ANK3: variants seen among roughly 807,000 people sequenced by gnomAD.
The protein encoded by ANK3 is ankyrin-3.
A neutral mutation model predicts 370.9 loss-of-function variants in ANK3; 57 were observed. That is an observed-to-expected ratio of 0.15 (90% CI 0.12 to 0.19). The LOEUF (loss-of-function observed/expected upper bound fraction) is 0.19. ANK3 is among the 10% of genes least tolerant of loss of function. ANK3 has a pLI of 1.00. For missense variants in ANK3, 4,439 were observed against 5,302.1 expected (o/e 0.84, Z 5.06); for synonymous variants, 1,929 against 1,946.3 (o/e 0.99, Z 0.23).
At chr10:60,089,031 G>C (rs10821671) in intron 28 of ANK3, among the ~76,000 whole-genome samples, 38,476 of 152,034 alleles carry the variant, frequency 0.25, 6,172 homozygotes, top group Non-Finnish European at 0.36. Flanking sequence ...GGCCTCATAA[G>C]AAAGTGAATA....
At chr10:60,100,516 C>G (rs546053501) in intron 28 of ANK3, among the ~76,000 whole-genome samples, 37 of 152,178 alleles carry the variant, frequency 2.4e-4, no homozygotes, top group African/African-American at 8.4e-4. Context: ...TGTAGTCAGA[C>G]AGTAAATTTA....
At chr10:60,545,682 G>T (rs1020259144) in intron 2 of ANK3, among the ~76,000 whole-genome samples, 4 of 152,028 alleles carry the variant, frequency 2.6e-5, no homozygotes, top group Non-Finnish European at 4.4e-5. Context: ...TGTATATCTA[G>T]ATCTGACTCA....
chr10:60,380,013 A>G (rs1410492156), intron 1 of ANK3, among the ~76,000 whole-genome samples: 2 of 146,678 alleles, frequency 1.4e-5, no homozygotes, highest in Non-Finnish European at 2.9e-5. Context: ...ACCCCCCCCA[A>G]ATCAGCTGAC....
At chr10:60,382,346 T>G (rs931612173) in intron 1 of ANK3, among the ~76,000 whole-genome samples, 1 of 152,190 alleles carries the variant, frequency 6.6e-6, no homozygotes, top group Non-Finnish European at 1.5e-5. Context: ...GTCTCTGTTC[T>G]TCCCATTCTA....
intron 2 of ANK3, among the ~76,000 whole-genome samples, chr10:60,533,672 C>T (rs754869497): frequency 6.6e-6 from 1 of 151,792 alleles, no homozygotes; most frequent in Non-Finnish European, 1.5e-5. Flanking sequence ...TGAGCTGGGC[C>T]GAATTATTTT....
intron 18 of ANK3, among the ~76,000 whole-genome samples, chr10:60,174,497 T>C (rs2095873342): frequency 6.7e-6 from 1 of 150,340 alleles, no homozygotes; most frequent in African/African-American, 2.5e-5. Context: ...TAAGGGAAGC[T>C]TGAAAATAAT....
chr10:60,078,823 G>A (rs754540955), intron 36 of ANK3, among the ~76,000 whole-genome samples: 2 of 152,100 alleles, frequency 1.3e-5, no homozygotes, highest in Non-Finnish European at 2.9e-5. Flanking sequence ...TCATTCCCTT[G>A]TTTACCACCC....
chr10:60,692,114 G>C (rs1464022802), intron 1 of ANK3, among the ~76,000 whole-genome samples: 1 of 152,228 alleles, frequency 6.6e-6, no homozygotes, highest in Non-Finnish European at 1.5e-5. Context: ...TTATGGGACA[G>C]AATTAAAAGC....
At chr10:60,569,299 G>A (rs1443519491) in intron 2 of ANK3, among the ~76,000 whole-genome samples, 2 of 152,012 alleles carry the variant, frequency 1.3e-5, no homozygotes. Context: ...TAAAAAATAC[G>A]GTCTTATTGA....
intron 1 of ANK3, among the ~76,000 whole-genome samples, chr10:60,340,252 T>A (rs193027704): frequency 1.3e-3 from 197 of 152,278 alleles, no homozygotes; most frequent in African/African-American, 4.5e-3. Flanking sequence ...GTCTAAGTAT[T>A]GGTTAAAGTA....
At chr10:60,375,283 A>C (rs117843061) in intron 1 of ANK3, among the ~76,000 whole-genome samples, 1 of 152,214 alleles carries the variant, frequency 6.6e-6, no homozygotes, top group Non-Finnish European at 1.5e-5. Flanking sequence ...CTTTGCATTG[A>C]CAGTTAATAT....
chr10:60,596,591 A>G (rs1302079153), intron 2 of ANK3, among the ~76,000 whole-genome samples: 1 of 152,174 alleles, frequency 6.6e-6, no homozygotes, highest in Non-Finnish European at 1.5e-5. Context: ...AGATTTGTCC[A>G]CTGGATACTT....
intron 2 of ANK3, among the ~76,000 whole-genome samples, chr10:60,569,986 T>C (rs959495169): frequency 6.6e-6 from 1 of 152,194 alleles, no homozygotes; most frequent in Non-Finnish European, 1.5e-5. Flanking sequence ...AGAAAACTTA[T>C]GGAATATTTG....
upstream of ANK3, among the ~76,000 whole-genome samples, chr10:60,390,628 A>G (rs2063013766): frequency 6.6e-6 from 1 of 151,938 alleles, no homozygotes; most frequent in Non-Finnish European, 1.5e-5. Flanking sequence ...GTCGGGAGTC[A>G]TTTGCACACA....
At chr10:60,101,161 T>A (rs2091203944) in intron 28 of ANK3, among the ~76,000 whole-genome samples, 1 of 152,236 alleles carries the variant, frequency 6.6e-6, no homozygotes, top group Admixed American at 6.5e-5. Context: ...AGGGTACTCA[T>A]CCTCGCGTAT....
chr10:60,109,594 GA>G (rs2092526051), intron 26 of ANK3, among the ~76,000 whole-genome samples: 1 of 152,162 alleles, frequency 6.6e-6, no homozygotes, highest in Non-Finnish European at 1.5e-5. Flanking sequence ...GAGATGACTA[GA>G]TTTGCTACGG....
chr10:60,572,503 T>G (rs1365749445), intron 2 of ANK3: 21 of 1,535,984 alleles, frequency 1.4e-5, no homozygotes, highest in Non-Finnish European at 1.7e-5. Context: ...GGTTTTGCAT[T>G]TTTCTCCTTT....
chr10:60,164,796 C>G (rs1277171242), intron 23 of ANK3, among the ~76,000 whole-genome samples: 1 of 152,178 alleles, frequency 6.6e-6, no homozygotes, highest in Non-Finnish European at 1.5e-5. Flanking sequence ...GATGTTTGCT[C>G]AGACTGAGTG....
chr10:60,686,466 T>C (rs1255143933), intron 1 of ANK3, among the ~76,000 whole-genome samples: 2 of 152,148 alleles, frequency 1.3e-5, no homozygotes, highest in African/African-American at 2.4e-5. Context: ...AGCTATAAAA[T>C]TCATTAGTAC....
Sources: gnomAD v4.1 joint callset for allele counts (sites outside exome capture counted in the v4.1 genomes callset) on GRCh38, gnomAD v4.1.1 for gene constraint, MANE v1.5 for transcripts, NCBI Gene and HGNC (gene_info 2026-07-23, HGNC 2026-07-21) for gene names.